Variants in NASP observed in about 807,000 individuals in gnomAD.
NASP encodes nuclear autoantigenic sperm protein.
A neutral mutation model predicts 89.5 loss-of-function variants in NASP; 24 were observed. The observed-to-expected ratio is 0.27, with a 90% CI of 0.19 to 0.38. The LOEUF is 0.38. NASP is among the 10% of genes least tolerant of loss of function. The pLI is 1.00. For missense variants in NASP, 848 were observed against 921.4 expected, an observed-to-expected ratio of 0.92 and a Z score of 1.03; for synonymous variants, 306 against 324.7, an observed-to-expected ratio of 0.94 and a Z score of 0.62.
chr1:45,612,202 A>C (rs964857340), intron 6 of NASP: 18 of 152,100 alleles, frequency 1.2e-4, no homozygotes, highest in African/African-American at 4.1e-4. Flanking sequence ...GCTTCTTTGA[A>C]AACGGAATCT....
chr1:45,618,112 G>A lies in NASP; in HGVS notation c.2338G>A (p.Gly780Arg), dbSNP rs969344828. 4 of 1,600,874 alleles carry A rather than the reference G, an allele frequency of 2.5e-6. 1 individual carries two copies. Among genetic ancestry groups the A allele is most frequent in the Non-Finnish European group, 3.4e-6 (4 of 1,173,520 alleles). Residue 780 changes from glycine to arginine, a missense_variant, in exon 15 of 15, where the codon GGA (glycine) becomes AGA (arginine). Coordinates refer to ENST00000350030, the MANE Select transcript of NASP (RefSeq NM_002482.4). ...RAAVEGTVEA[G>R]ATVESTAC is the part of the protein sequence containing the mutation. ...AGCAGTGGAGGGGACAGTGGAGGCT[G>A]GAGCTACAGTTGAAAGCACTGCATG...
rs140271488 is a variant in NASP, at chr1:45,607,627, C to T, written c.716C>T (p.Ala239Val). 1 of 1,614,088 alleles carries T rather than the reference C, an allele frequency of 6.2e-7. No individual in the cohort carries two copies. Among genetic ancestry groups the T allele is most frequent in the Non-Finnish European group, 8.5e-7 (1 of 1,180,020 alleles). ...AAGCCAGAACAGGAAGTACCAGATG[C>T]TGAGGAAGAAAAATCAGTTTCTGGA... ...SGKPEQEVPD[A>V]EEEKSVSGTD... The change falls in exon 6 of 15, where the codon GCT (alanine) becomes GTT (valine). Residue 239 changes from alanine to valine, a missense_variant. Coordinates refer to ENST00000350030, the MANE Select transcript of NASP (RefSeq NM_002482.4).
At chr1:45,589,321 G>A (rs1643456148) in intron 1 of NASP, among the ~76,000 whole-genome samples, 2 of 151,966 alleles carry the variant, frequency 1.3e-5, no homozygotes, top group Admixed American at 6.6e-5. Flanking sequence ...GATAGGTCTC[G>A]CTGTGTTGCC....
At chr1:45,612,406 AAGCTT>A (rs2148368536) in intron 6 of NASP, 1 of 152,256 alleles carries the variant, frequency 6.6e-6, no homozygotes, top group Non-Finnish European at 1.5e-5. Context: ...TGTTAACAGA[AAGCTT>A]ATTTTAATCA....
intron 1 of NASP, among the ~76,000 whole-genome samples, chr1:45,585,520 A>G (rs1644520786): frequency 6.6e-6 from 1 of 152,178 alleles, no homozygotes; most frequent in Admixed American, 6.6e-5. Flanking sequence ...TCAAACTCCC[A>G]TTACCTGCCT....
intron 3 of NASP, among the ~76,000 whole-genome samples, chr1:45,603,640 G>A (rs1009619668): frequency 5.7e-5 from 6 of 104,538 alleles, no homozygotes; most frequent in East Asian, 5.6e-4. Context: ...TGGGAGTTTC[G>A]CTCTTGTTGC....
At chr1:45,611,866 TTTTTTTTTTTTG>T in intron 6 of NASP, 1 of 143,618 alleles carries the variant, frequency 7.0e-6, no homozygotes, top group African/African-American at 2.6e-5. Flanking sequence ...TTTTTTTTTT[TTTTTTTTTTTTG>T]AGACGGAGTC....
At chr1:45,591,305 A>G (rs750501606) in intron 2 of NASP, 35 bp downstream of exon 2, 3 of 1,333,566 alleles carry the variant, frequency 2.2e-6, no homozygotes, top group South Asian at 1.4e-5. Flanking sequence ...GATTCGTATC[A>G]GAAACATAAA....
At chr1:45,595,905 T>C (rs1181710451) in intron 2 of NASP, among the ~76,000 whole-genome samples, 1 of 152,244 alleles carries the variant, frequency 6.6e-6, no homozygotes, top group African/African-American at 2.4e-5. Context: ...AGCCCTTGTG[T>C]GATTAAGAGT....
At chr1:45,599,949 C>CTTTTTTT (rs1643795885) in intron 2 of NASP, among the ~76,000 whole-genome samples, 1 of 131,430 alleles carries the variant, frequency 7.6e-6, no homozygotes, top group African/African-American at 3.1e-5. Context: ...TGCTTTTCCT[C>CTTTTTTT]TGTATTTTTT....
At chr1:45,605,917 C>T (rs1301495524) in intron 4 of NASP, among the ~76,000 whole-genome samples, 2 of 151,732 alleles carry the variant, frequency 1.3e-5, no homozygotes, top group Non-Finnish European at 2.9e-5. Flanking sequence ...GCTGGGATTA[C>T]AAGTATGCGC....
chr1:45,590,238 A>G (rs944828590), intron 1 of NASP, among the ~76,000 whole-genome samples: 3 of 152,144 alleles, frequency 2.0e-5, no homozygotes, highest in Non-Finnish European at 4.4e-5. Flanking sequence ...GGCTTGTGCT[A>G]AGCAAGAATA....
intron 2 of NASP, among the ~76,000 whole-genome samples, chr1:45,596,703 C>T (rs1348664215): frequency 1.3e-5 from 2 of 152,158 alleles, no homozygotes; most frequent in Admixed American, 6.5e-5. Flanking sequence ...AAGAAATTAC[C>T]ACTTGTTGGT....
At chr1:45,607,061 T>C (rs571528789) in intron 5 of NASP, among the ~76,000 whole-genome samples, 18 of 152,320 alleles carry the variant, frequency 1.2e-4, no homozygotes, top group Admixed American at 2.0e-4. Flanking sequence ...AAGCTTGGCA[T>C]CTCTTACCTA....
chr1:45,594,496 A>G (rs955742640), intron 2 of NASP, among the ~76,000 whole-genome samples: 3 of 152,160 alleles, frequency 2.0e-5, no homozygotes, highest in Admixed American at 6.5e-5. Context: ...TAGCTAGGCT[A>G]TCCAAAACAC....
At chr1:45,614,480 TAG>T (rs1470065824) in intron 9 of NASP, 114 bp downstream of exon 9, 10 of 802,684 alleles carry the variant, frequency 1.2e-5, no homozygotes, top group Non-Finnish European at 2.1e-5. Flanking sequence ...GTGTTCCCTG[TAG>T]ACCCTGGAAC....
chr1:45,584,554 C>T (rs974224103), intron 1 of NASP, among the ~76,000 whole-genome samples: 8 of 152,206 alleles, frequency 5.3e-5, no homozygotes, highest in Admixed American at 1.3e-4. Context: ...CTTCACGCCC[C>T]TTCTGTCCCC....
intron 9 of NASP, among the ~76,000 whole-genome samples, 177 bp downstream of exon 9, chr1:45,614,543 GTTTTGT>G (rs894137625): frequency 2.4e-4 from 17 of 70,992 alleles, no homozygotes; most frequent in African/African-American, 8.7e-4. Flanking sequence ...GGTTTGTTTT[GTTTTGT>G]TTTTTTTGAG....
intron 1 of NASP, among the ~76,000 whole-genome samples, chr1:45,590,734 A>G (rs551424092): frequency 3.7e-4 from 48 of 128,498 alleles, no homozygotes; most frequent in Middle Eastern, 6.3e-3. Flanking sequence ...TATCTCCCTG[A>G]CATTGTATTT....
Sources: gnomAD v4.1 joint callset for allele counts (sites outside exome capture counted in the v4.1 genomes callset) on GRCh38, gnomAD v4.1.1 for gene constraint, MANE v1.5 for transcripts, NCBI Gene and HGNC (gene_info 2026-07-23, HGNC 2026-07-21) for gene names.